PCDHA12: variants seen among roughly 807,000 people sequenced by gnomAD.
The protein encoded by PCDHA12 is protocadherin alpha 12.
A neutral mutation model predicts 60.0 loss-of-function variants in PCDHA12; 44 were observed. The observed-to-expected ratio is 0.73, with a 90% CI of 0.58 to 0.94. PCDHA12 has a LOEUF of 0.94. Among genes scored for constraint, PCDHA12 ranks in the 40% least tolerant of loss-of-function variants. The probability of loss-of-function intolerance (pLI) is 0.00; values close to 1 mark genes in which losing one functional copy is unlikely to be tolerated. For synonymous variants in PCDHA12, 569 were observed against 553.0 expected (o/e 1.03, Z -0.40); for missense variants, 1,276 against 1,239.7 (o/e 1.03, Z -0.44).
chr5:141,008,838 G>A (rs555239899), intron 3 of PCDHA12, among the ~76,000 whole-genome samples: 2 of 152,192 alleles, frequency 1.3e-5, no homozygotes, highest in South Asian at 2.1e-4. Context: ...ATCCTCTTAC[G>A]CTGTGTATTC....
At chr5:140,966,454 C>T (rs897696652) in intron 1 of PCDHA12, 6 of 426,406 alleles carry the variant, frequency 1.4e-5, no homozygotes, top group Admixed American at 4.4e-5. Flanking sequence ...TCCCCCTCCC[C>T]CTCTGTCTTC....
chr5:140,882,565 C>A (rs782122682), intron 1 of PCDHA12: 9 of 1,614,118 alleles, frequency 5.6e-6, no homozygotes, highest in African/African-American at 2.7e-5. Flanking sequence ...GTGGGCGGAG[C>A]GCGGAGTGCA....
At chr5:140,884,318 G>A (rs1345534362) in intron 1 of PCDHA12, 1 of 1,613,692 alleles carries the variant, frequency 6.2e-7, no homozygotes, top group Non-Finnish European at 8.5e-7. Flanking sequence ...GAGGGCGTCG[G>A]CAGGCGCTGT....
intron 1 of PCDHA12, chr5:140,882,617 T>TA: frequency 6.2e-7 from 1 of 1,614,218 alleles, no homozygotes; most frequent in Non-Finnish European, 8.5e-7. Context: ...TCTGCAGGTT[T>TA]TCCATGTGGA....
At chr5:140,961,458 G>A (rs1371131275) in intron 1 of PCDHA12, among the ~76,000 whole-genome samples, 2 of 152,150 alleles carry the variant, frequency 1.3e-5, no homozygotes, top group Non-Finnish European at 2.9e-5. Context: ...TCTTGCAGCT[G>A]CCTTTCTTTT....
Position 140,895,311 on chromosome 5 carries a change from C to T in PCDHA12, c.2367+17472C>T, listed in dbSNP as rs572826090. 2.0e-5 allele frequency among the ~76,000 whole-genome samples: 3 copies of T among 152,252 alleles called. No homozygotes were observed. The South Asian group carries it at 6.2e-4, about 32-fold the overall frequency. On this transcript the variant is annotated intron_variant, in intron 1 of 3. Transcript: ENST00000398631. ...GACCTTCGATTTCCCCCCTTCCACC[C>T]ATGACTATTGTTCTCAAATTGTTTT...
Position 141,009,656 on chromosome 5 carries a change from G to T in PCDHA12, c.2545G>T (p.Val849Phe). The T allele has an allele frequency of 6.2e-7, 1 of 1,614,000 alleles. No individual in the cohort carries two copies. The highest frequency in any genetic ancestry group is 8.5e-7 in the Non-Finnish European group (1 of 1,179,978). Residue 849 changes from valine (V) to phenylalanine (F), a missense_variant, in exon 4 of 4, where the codon GTC (valine) becomes TTC (phenylalanine). Physicochemically the swap from Val to Phe is conservative, Grantham distance 50. Coordinates refer to ENST00000398631, the MANE Select transcript of PCDHA12 (RefSeq NM_018903.4). The stretch of plus-strand genomic sequence containing the variant: ...AGAGGCAGGAGAAGTGTCCCCTCCA[G>T]TCGGTGCGGGTGTCAACAGCAACAG... Reference protein sequence around the residue: ...EPEAGEVSPPVGAGVNSNSWT... With the variant: ...EPEAGEVSPPFGAGVNSNSWT...
chr5:140,947,760 A>C (rs1332466215), intron 1 of PCDHA12, among the ~76,000 whole-genome samples: 1 of 151,618 alleles, frequency 6.6e-6, no homozygotes, highest in Non-Finnish European at 1.5e-5. Context: ...TTATGGTTTA[A>C]AAAATTCTAT....
At chr5:140,989,637 T>C (rs1274152423) in intron 3 of PCDHA12, among the ~76,000 whole-genome samples, 2 of 152,070 alleles carry the variant, frequency 1.3e-5, no homozygotes, top group African/African-American at 4.8e-5. Flanking sequence ...ACAGCAAGGG[T>C]CTTTCATGGC....
At position 140,875,524 on chromosome 5, in the gene PCDHA12, C is replaced by T; in HGVS notation, c.52C>T (p.Leu18Phe). The change falls in exon 1 of 4, where the codon CTT becomes TTT. Residue 18 changes from leucine to phenylalanine, a missense_variant. Transcript: ENST00000398631. The part of the protein sequence containing the change: ...GPGSQRLLLS[L>F]LLLAAWEVGS... ...GGGATCCCAGCGTCTGCTGCTCTCG[C>T]TTCTGCTCCTTGCAGCCTGGGAGGT... The T allele has an allele frequency of 6.2e-7, 1 of 1,614,084 alleles. No individual in the cohort carries two copies. The highest frequency in any genetic ancestry group is 2.2e-5 in the East Asian group (1 of 44,882).
At chr5:141,007,716 G>A (rs887681362) in intron 3 of PCDHA12, among the ~76,000 whole-genome samples, 4 of 152,246 alleles carry the variant, frequency 2.6e-5, no homozygotes, top group African/African-American at 4.8e-5. Context: ...CCCACCACCA[G>A]GGAGAACAAA....
chr5:140,953,851 GC>G (rs1458424600), intron 1 of PCDHA12, among the ~76,000 whole-genome samples: 6 of 152,108 alleles, frequency 3.9e-5, no homozygotes, highest in African/African-American at 1.2e-4. Context: ...GTAAACATGT[GC>G]CATGGTGGTT....
chr5:140,937,069 G>A (rs1385358225), intron 1 of PCDHA12, among the ~76,000 whole-genome samples: 3 of 138,378 alleles, frequency 2.2e-5, no homozygotes, highest in South Asian at 2.2e-4. Context: ...ACGGAGTCTC[G>A]CTCTGTCGCC....
In PCDHA12 at chr5:140,944,201, G is replaced by T. The variant is rs1389405246; in HGVS notation, c.2368-34748G>T. Among the ~76,000 whole-genome samples, 5 of 152,034 alleles carry T rather than the reference G, an allele frequency of 3.3e-5. No homozygotes were observed. In the East Asian group the frequency reaches 9.6e-4, roughly 29 times the overall value. On this transcript the variant is annotated intron_variant, in intron 1 of 3. Coordinates refer to ENST00000398631, the MANE Select transcript of PCDHA12 (RefSeq NM_018903.4). ...TTGTTGGTTTGTTTTGTTTTGTTTT[G>T]TTTTTAAAGAGGGTTTTACTCTGTC...
intron 1 of PCDHA12, among the ~76,000 whole-genome samples, chr5:140,947,710 A>G (rs2094165762): frequency 6.6e-6 from 1 of 151,556 alleles, no homozygotes; most frequent in African/African-American, 2.4e-5. Context: ...TTAAGTATTG[A>G]GGTTTCAAAA....
intron 1 of PCDHA12, among the ~76,000 whole-genome samples, chr5:140,895,167 T>G (rs1289758040): frequency 6.6e-6 from 1 of 152,186 alleles, no homozygotes; most frequent in African/African-American, 2.4e-5. Flanking sequence ...CAATCCAATC[T>G]ATTTGTAGTC....
chr5:140,927,416 C>T (rs782053183), intron 1 of PCDHA12: 6 of 1,613,980 alleles, frequency 3.7e-6, no homozygotes, highest in Admixed American at 3.3e-5. Context: ...GACATGGGAT[C>T]GCGGGTTGAC....
chr5:140,938,899 A>C (rs1175857132), intron 1 of PCDHA12, among the ~76,000 whole-genome samples: 1 of 151,886 alleles, frequency 6.6e-6, no homozygotes, highest in Non-Finnish European at 1.5e-5. Flanking sequence ...ACAGATGCGC[A>C]CACACACACA....
intron 3 of PCDHA12, among the ~76,000 whole-genome samples, chr5:140,999,859 C>T (rs2153959609): frequency 6.6e-6 from 1 of 152,256 alleles, no homozygotes; most frequent in South Asian, 2.1e-4. Context: ...TCTTCCGCTC[C>T]AAGATTACTG....
Sources: gnomAD v4.1 joint callset for allele counts (sites outside exome capture counted in the v4.1 genomes callset) on GRCh38, gnomAD v4.1.1 for gene constraint, MANE v1.5 for transcripts, NCBI Gene and HGNC (gene_info 2026-07-23, HGNC 2026-07-21) for gene names.